The following PPARGC1A variants were observed in gnomAD, a reference collection of about 807,000 sequenced individuals.
PPARGC1A encodes the protein PPARG coactivator 1 alpha.
PPARGC1A carries 25 observed loss-of-function variants against 88.7 expected under a neutral mutation model. That is an observed-to-expected ratio of 0.28 (90% CI 0.21 to 0.39). PPARGC1A has a LOEUF of 0.39. PPARGC1A is among the 10% of genes least tolerant of loss of function. PPARGC1A has a pLI of 1.00. For synonymous variants in PPARGC1A, 363 were observed against 355.6 expected (o/e 1.02, Z -0.24); for missense variants, 880 against 968.7 (o/e 0.91, Z 1.22).
chr4:23,998,952 G>A, the PPARGC1A span, among the ~76,000 whole-genome samples: 55 of 152,272 alleles, frequency 3.6e-4, no homozygotes, highest in East Asian at 9.5e-3. Flanking sequence ...AAATGTAGAC[G>A]CTTGATTTAT....
the PPARGC1A span, among the ~76,000 whole-genome samples, chr4:23,990,613 T>C: frequency 6.6e-6 from 1 of 152,026 alleles, no homozygotes; most frequent in African/African-American, 2.4e-5. Flanking sequence ...GCATTCAACA[T>C]TTCCTGATCC....
chr4:24,035,174 T>C, the PPARGC1A span, among the ~76,000 whole-genome samples: 3 of 152,206 alleles, frequency 2.0e-5, no homozygotes, highest in Non-Finnish European at 4.4e-5. Flanking sequence ...CATGTAATAG[T>C]ATGTGTTTAT....
chr4:24,044,898 C>T, the PPARGC1A span, among the ~76,000 whole-genome samples: 3 of 152,198 alleles, frequency 2.0e-5, no homozygotes, highest in African/African-American at 4.8e-5. Flanking sequence ...TCCTTATTTG[C>T]ACTTGTCTTG....
the PPARGC1A span, among the ~76,000 whole-genome samples, chr4:24,136,458 C>A: frequency 5.9e-4 from 90 of 152,250 alleles, no homozygotes; most frequent in East Asian, 0.013. Flanking sequence ...AGTTACTCAA[C>A]CCTCTCCGAA....
chr4:23,974,241 C>T, the PPARGC1A span, among the ~76,000 whole-genome samples: 1 of 152,108 alleles, frequency 6.6e-6, no homozygotes, highest in African/African-American at 2.4e-5. Context: ...TTTCCGCAAA[C>T]CATCTGTGAC....
chr4:24,026,140 G>A, the PPARGC1A span, among the ~76,000 whole-genome samples: 10 of 152,064 alleles, frequency 6.6e-5, no homozygotes, highest in African/African-American at 2.2e-4. Flanking sequence ...GTCCTGGATC[G>A]GCACTACTTC....
chr4:24,175,834 A>C, the PPARGC1A span, among the ~76,000 whole-genome samples: 1 of 152,076 alleles, frequency 6.6e-6, no homozygotes, highest in Non-Finnish European at 1.5e-5. Flanking sequence ...AAAACATGAA[A>C]TCCTCCAGAA....
chr4:23,832,998 T>G (rs1725324151), intron 2 of PPARGC1A, among the ~76,000 whole-genome samples: 1 of 152,172 alleles, frequency 6.6e-6, no homozygotes, highest in Non-Finnish European at 1.5e-5. Context: ...CATAGAAAGC[T>G]AATCTTCAAT....
At chr4:24,156,286 C>A in the PPARGC1A span, among the ~76,000 whole-genome samples, 3 of 152,096 alleles carry the variant, frequency 2.0e-5, no homozygotes, top group Non-Finnish European at 2.9e-5. Context: ...CATATCCACC[C>A]CCGGGTGTTT....
intron 2 of PPARGC1A, among the ~76,000 whole-genome samples, chr4:23,873,614 C>G (rs1714044726): frequency 1.1e-5 from 1 of 89,564 alleles, no homozygotes; most frequent in Non-Finnish European, 2.9e-5. Flanking sequence ...TTTTTTTCTG[C>G]ATCTCTTTAG....
chr4:24,450,056 T>C, the PPARGC1A span, among the ~76,000 whole-genome samples: 1 of 152,336 alleles, frequency 6.6e-6, no homozygotes, highest in East Asian at 1.9e-4. Context: ...AATAAATGTG[T>C]TGTTCCTAGA....
intron 1 of PPARGC1A, among the ~76,000 whole-genome samples, chr4:23,895,691 C>G (rs61795680): frequency 0.22 from 32,752 of 151,810 alleles, 4,702 homozygotes; most frequent in Non-Finnish European, 0.32. Context: ...TCAGATACTA[C>G]TGGTAGGATT....
At chr4:24,041,688 A>G in the PPARGC1A span, among the ~76,000 whole-genome samples, 1 of 152,208 alleles carries the variant, frequency 6.6e-6, no homozygotes, top group Admixed American at 6.5e-5. Flanking sequence ...GAAAATGCAC[A>G]TAGTCACAAA....
chr4:24,453,523 G>A, the PPARGC1A span, among the ~76,000 whole-genome samples: 1 of 152,250 alleles, frequency 6.6e-6, no homozygotes, highest in Non-Finnish European at 1.5e-5. Context: ...GCACACGCCT[G>A]TAATTCCAGC....
intron 5 of PPARGC1A, among the ~76,000 whole-genome samples, chr4:23,826,389 T>C (rs1723934929): frequency 2.0e-5 from 3 of 152,088 alleles, no homozygotes; most frequent in Admixed American, 1.3e-4. Flanking sequence ...TCATGTAGAT[T>C]GTGGTATTTG....
At chr4:24,064,798 T>A in the PPARGC1A span, among the ~76,000 whole-genome samples, 3 of 152,036 alleles carry the variant, frequency 2.0e-5, no homozygotes, top group Non-Finnish European at 4.4e-5. Context: ...ATGTGCATCT[T>A]ACTAGCTGAT....
chr4:23,937,705 T>C, the PPARGC1A span, among the ~76,000 whole-genome samples: 1 of 152,128 alleles, frequency 6.6e-6, no homozygotes, highest in Non-Finnish European at 1.5e-5. Flanking sequence ...TGGATATTAC[T>C]CTCCCACTAT....
the PPARGC1A span, among the ~76,000 whole-genome samples, chr4:24,339,033 A>G: frequency 6.6e-6 from 1 of 151,920 alleles, no homozygotes; most frequent in East Asian, 1.9e-4. Flanking sequence ...CCCACTAAAA[A>G]ATAAATTGCT....
chr4:24,322,699 A>G, the PPARGC1A span, among the ~76,000 whole-genome samples: 1 of 152,214 alleles, frequency 6.6e-6, no homozygotes, highest in Non-Finnish European at 1.5e-5. Context: ...TGAAGCTGGC[A>G]GTGGTGGGAG....
Sources: gnomAD v4.1 joint callset for allele counts (sites outside exome capture counted in the v4.1 genomes callset) on GRCh38, gnomAD v4.1.1 for gene constraint, MANE v1.5 for transcripts, NCBI Gene and HGNC (gene_info 2026-07-23, HGNC 2026-07-21) for gene names.